The following ATG16L1 variants were observed in gnomAD, a reference collection of about 807,000 sequenced individuals.
The protein encoded by ATG16L1 is autophagy related 16 like 1.
Under a neutral mutation model 88.5 loss-of-function variants are expected in ATG16L1, and 37 were observed. The ratio of observed to expected loss-of-function variants is 0.42; its 90% CI spans 0.32 to 0.55. The LOEUF (loss-of-function observed/expected upper bound fraction) is 0.55. Among genes scored for constraint, ATG16L1 ranks in the 20% least tolerant of loss-of-function variants. The pLI, the probability that ATG16L1 is intolerant of heterozygous loss-of-function variation, is 0.13. For missense variants in ATG16L1, 554 were observed against 752.8 expected, an observed-to-expected ratio of 0.74 and a Z score of 3.09; for synonymous variants, 301 against 281.0, an observed-to-expected ratio of 1.07 and a Z score of -0.71.
At chr2:233,292,532 C>T (rs1699530535) in intron 16 of ATG16L1, 98 bp downstream of exon 16, 3 of 1,451,120 alleles carry the variant, frequency 2.1e-6, no homozygotes, top group Non-Finnish European at 1.9e-6. Flanking sequence ...TTGTTCAGTG[C>T]CCAACCTATG....
chr2:233,285,040 T>C (rs1349419133), intron 12 of ATG16L1, among the ~76,000 whole-genome samples: 1 of 152,238 alleles, frequency 6.6e-6, no homozygotes, highest in Non-Finnish European at 1.5e-5. Flanking sequence ...GGAAGTGCAC[T>C]GCTAGAGAGC....
At chr2:233,271,323 G>C (rs544120435) in intron 6 of ATG16L1, among the ~76,000 whole-genome samples, 1 of 152,292 alleles carries the variant, frequency 6.6e-6, no homozygotes, top group South Asian at 2.1e-4. Flanking sequence ...TTGTGGCCCA[G>C]GCTGGAGTGC....
chr2:233,273,533 G>T (rs151271625), intron 7 of ATG16L1, 188 bp from the exon 8 acceptor site: 3 of 572,564 alleles, frequency 5.2e-6, no homozygotes, highest in Middle Eastern at 3.8e-4. Flanking sequence ...AAACTTCTAG[G>T]CTGGGTTTTC....
intron 6 of ATG16L1, 107 bp downstream of exon 6, chr2:233,270,174 G>T: frequency 2.0e-6 from 2 of 1,020,938 alleles, no homozygotes; most frequent in South Asian, 3.9e-5. Flanking sequence ...ACAGGGTCTT[G>T]CTCTGTTGCC....
At chr2:233,276,595 C>G (rs1323154153) in intron 9 of ATG16L1, among the ~76,000 whole-genome samples, 2 of 152,184 alleles carry the variant, frequency 1.3e-5, no homozygotes, top group East Asian at 3.9e-4. Context: ...ACCTCAGCCT[C>G]TTGAGTAGCT....
At chr2:233,281,666 G>A (rs1050262808) in intron 11 of ATG16L1, among the ~76,000 whole-genome samples, 23 of 152,178 alleles carry the variant, frequency 1.5e-4, no homozygotes, top group African/African-American at 5.3e-4. Context: ...AAGGTCAGAG[G>A]CAAAAAGCCA....
chr2:233,265,768 A>G (rs937219760), intron 5 of ATG16L1, among the ~76,000 whole-genome samples: 3 of 152,168 alleles, frequency 2.0e-5, no homozygotes, highest in Non-Finnish European at 4.4e-5. Flanking sequence ...CCGCCTGGCC[A>G]TTGATAGATT....
chr2:233,253,331 G>GTTTTTT (rs1247381726), intron 1 of ATG16L1, among the ~76,000 whole-genome samples: 3 of 102,754 alleles, frequency 2.9e-5, no homozygotes, highest in Admixed American at 9.4e-5. Flanking sequence ...GGTGAGACTG[G>GTTTTTT]GTTTTTTTGT....
chr2:233,258,749 T>A (rs1452113359), intron 2 of ATG16L1, among the ~76,000 whole-genome samples: 5 of 152,126 alleles, frequency 3.3e-5, no homozygotes, highest in Non-Finnish European at 7.4e-5. Context: ...CAGGCTGGAG[T>A]GCAGTGGCAT....
In ATG16L1 at chr2:233,292,438, A is replaced by G. The variant is rs1699522838; in HGVS notation, c.1628+4A>G. 3 of 1,612,360 alleles carry G rather than the reference A, an allele frequency of 1.9e-6. No homozygotes were observed. In the East Asian group the frequency reaches 6.7e-5, roughly 36 times the overall value. Reference sequence around the variant, plus strand: ...ACTGGACCAGAGTTGTCTTCAGGTTAGTAGTGACCCACCCCCCGCCAATTT... The same window carrying G: ...ACTGGACCAGAGTTGTCTTCAGGTTGGTAGTGACCCACCCCCCGCCAATTT... On this transcript the variant is annotated splice_donor_region_variant and intron_variant, in intron 16 of 17. Coordinates refer to ENST00000392017, the MANE Select transcript of ATG16L1 (RefSeq NM_030803.7).
At position 233,276,361 on chromosome 2, in the gene ATG16L1, C is replaced by A. The variant is rs555840467; in HGVS notation, c.955-1207C>A. On this transcript the variant is annotated intron_variant, in intron 9 of 17. Transcript: ENST00000392017. ...AACATACGCAGTATCTCTTCCCCCCCACACTTATGCTGGAGCAATTTGAAG... is the reference window on the plus strand; with the variant it reads ...AACATACGCAGTATCTCTTCCCCCCAACACTTATGCTGGAGCAATTTGAAG... 5.9e-5 allele frequency among the ~76,000 whole-genome samples: 9 copies of A among 152,294 alleles called. No individual in the cohort carries two copies. In the East Asian group the frequency reaches 1.2e-3, roughly 20 times the overall value.
intron 12 of ATG16L1, among the ~76,000 whole-genome samples, chr2:233,283,306 T>C (rs1698839284): frequency 6.6e-6 from 1 of 152,234 alleles, no homozygotes; most frequent in African/African-American, 2.4e-5. Context: ...TCATTTTTGA[T>C]TGGGGCAGGG....
Position 233,251,848 on chromosome 2 carries a change from C to T in ATG16L1, c.21C>T (p.Ala7=). 1 of 1,549,982 alleles carries T rather than the reference C, an allele frequency of 6.5e-7. No individual in the cohort carries two copies. The highest frequency in any genetic ancestry group is 8.7e-7 in the Non-Finnish European group (1 of 1,146,944). ...GTGACATGTCGTCGGGCCTCCGCGC[C>T]GCTGACTTCCCCCGCTGGAAGCGCC... MSSGLR[A]ADFPRWKRHI... The change falls in exon 1 of 18, where the codon GCC becomes GCT. Residue 7 remains alanine (A), a synonymous_variant. Transcript: ENST00000392017.
chr2:233,276,089 G>A (rs949326092), intron 9 of ATG16L1: 2 of 407,698 alleles, frequency 4.9e-6, no homozygotes, highest in African/African-American at 2.1e-5. Flanking sequence ...TCAGCAGTGG[G>A]TCACAAGAGG....
At chr2:233,269,340 C>T (rs548001777) in intron 5 of ATG16L1, among the ~76,000 whole-genome samples, 1 of 152,284 alleles carries the variant, frequency 6.6e-6, no homozygotes, top group South Asian at 2.1e-4. Context: ...AGTAAATCTT[C>T]ACTGTTAGTA....
At chr2:233,279,066 T>C (rs943354944) in intron 10 of ATG16L1, among the ~76,000 whole-genome samples, 35 of 152,258 alleles carry the variant, frequency 2.3e-4, no homozygotes, top group African/African-American at 8.4e-4. Context: ...CAGTCCCAGC[T>C]TCCTGGGAAG....
At chr2:233,253,984 T>G (rs1696602978) in intron 1 of ATG16L1, among the ~76,000 whole-genome samples, 1 of 152,226 alleles carries the variant, frequency 6.6e-6, no homozygotes, top group South Asian at 2.1e-4. Flanking sequence ...ACATTTTCAC[T>G]TACTTTCTGA....
intron 5 of ATG16L1, chr2:233,266,050 C>G (rs78164200): frequency 1.3e-5 from 2 of 152,122 alleles, no homozygotes; most frequent in African/African-American, 4.8e-5. Context: ...CAGAGAACAC[C>G]GATCTGGATG....
chr2:233,294,119 C>T (rs968115525), intron 17 of ATG16L1, 138 bp from the exon 18 acceptor site: 29 of 593,758 alleles, frequency 4.9e-5, no homozygotes, highest in East Asian at 4.1e-4. Flanking sequence ...TGCCTTGTCG[C>T]GGGCACAGTG....
Sources: gnomAD v4.1 joint callset for allele counts (sites outside exome capture counted in the v4.1 genomes callset) on GRCh38, gnomAD v4.1.1 for gene constraint, MANE v1.5 for transcripts, NCBI Gene and HGNC (gene_info 2026-07-23, HGNC 2026-07-21) for gene names.